NKD1: variants seen among roughly 807,000 people sequenced by gnomAD.
NKD1 encodes the protein NKD inhibitor of Wnt signaling pathway 1, also known as protein naked cuticle homolog 1.
Under a neutral mutation model 56.0 loss-of-function variants are expected in NKD1, and 21 were observed. That is an observed-to-expected ratio of 0.38 (90% CI 0.27 to 0.54). NKD1 has a LOEUF of 0.54. Ranked by LOEUF, NKD1 falls within the 20% of genes least tolerant of loss-of-function variation. The pLI is 0.82. For synonymous variants in NKD1, 263 were observed against 265.7 expected (o/e 0.99, Z 0.10); for missense variants, 578 against 642.7 (o/e 0.90, Z 1.09).
Position 50,630,914 on chromosome 16 carries a change from T to C in NKD1, c.695+4T>C. The C allele has an allele frequency of 1.3e-6, 2 of 1,576,422 alleles. No homozygotes were observed. The highest frequency in any genetic ancestry group is 1.7e-6 in the Non-Finnish European group (2 of 1,160,026). On this transcript the variant is annotated splice_donor_region_variant and intron_variant, in intron 8 of 9. Coordinates refer to ENST00000268459, the MANE Select transcript of NKD1 (RefSeq NM_033119.5). Reference sequence around the variant, plus strand: ...AGAAGCAGCGAGCCCCGCTCAGGTATGTGGGCATGGTGCACATGAGCATAT... The same window carrying C: ...AGAAGCAGCGAGCCCCGCTCAGGTACGTGGGCATGGTGCACATGAGCATAT...
Position 50,646,289 on chromosome 16 carries a change from T to C in NKD1, c.*12508T>C, listed in dbSNP as rs1030120150. The C allele has an allele frequency of 6.6e-6, 1 of 150,596 alleles. No individual in the cohort carries two copies. Among genetic ancestry groups the C allele is most frequent in the Non-Finnish European group, 1.5e-5 (1 of 67,858 alleles). The allele number at this position is 150,596 out of a possible 1,614,324, so 9.3% of individuals were successfully genotyped here. On this transcript the variant is annotated 3_prime_UTR_variant, in exon 10 of 10. Transcript: ENST00000268459. ...TTACCATAACTTAGAACTTCAAAGC[T>C]GAGTGTGTGGATAATGCAAATTGCT...
In NKD1 at chr16:50,632,606, A is replaced by G. The variant is rs1962371287; in HGVS notation, c.823+198A>G. 6.6e-6 allele frequency among the ~76,000 whole-genome samples: 1 copy of G among 152,266 alleles called. No individual in the cohort carries two copies. The highest frequency in any genetic ancestry group is 6.5e-5 in the Admixed American group (1 of 15,290). On this transcript the variant is annotated intron_variant, in intron 9 of 9. Transcript: ENST00000268459. The surrounding 1 kb of genome is among the most constrained non-coding windows in gnomAD (Gnocchi z 4.1). ...AAGTAATACATGCACGAAATCGAAC[A>G]AAATCCAATAGTATCTAAAGGCTTA...
chr16:50,612,105 A>T (rs951527039), intron 4 of NKD1, among the ~76,000 whole-genome samples: 4 of 152,234 alleles, frequency 2.6e-5, no homozygotes, highest in Non-Finnish European at 5.9e-5. Context: ...TGCTCAATAA[A>T]TAAACACTCA....
rs1269851681 is a variant in NKD1 at position 50,633,082 on chromosome 16, G to C, written c.824-110G>C. The C allele has an allele frequency of 5.1e-6, 5 of 989,010 alleles. No homozygotes were observed. The highest frequency in any genetic ancestry group is 2.9e-6 in the Non-Finnish European group (2 of 692,280). 61.3% of individuals were successfully genotyped at this position (989,010 alleles called of 1,614,324 possible). A position where few individuals can be genotyped will look rare whatever the true frequency, so the allele number is the denominator to read the frequency against. ...GCAGTGAGGGGCAGTCAGGGCATTG[G>C]GGGGTAGCTCTGGTTTTGGAGAACT... On this transcript the variant is annotated intron_variant, in intron 9 of 9. Coordinates refer to ENST00000268459, the MANE Select transcript of NKD1 (RefSeq NM_033119.5). The surrounding 1 kb of genome is among the most constrained non-coding windows in gnomAD (Gnocchi z 4.9).
intron 6 of NKD1, among the ~76,000 whole-genome samples, chr16:50,626,695 G>C (rs1962224044): frequency 6.6e-6 from 1 of 152,206 alleles, no homozygotes; most frequent in Admixed American, 6.5e-5. Flanking sequence ...ACCGCTGGAG[G>C]GTTGGTATCC....
At chr16:50,596,838 C>T (rs1288210967) in intron 3 of NKD1, among the ~76,000 whole-genome samples, 1 of 152,116 alleles carries the variant, frequency 6.6e-6, no homozygotes, top group Non-Finnish European at 1.5e-5. Context: ...TGAACCCAAA[C>T]CTGAAGGAGG....
chr16:50,582,836 G>A (rs897828089), intron 3 of NKD1, among the ~76,000 whole-genome samples: 2 of 152,164 alleles, frequency 1.3e-5, no homozygotes, highest in East Asian at 3.9e-4. Context: ...GTGAAACCCT[G>A]ACTCTACTAA....
intron 4 of NKD1, among the ~76,000 whole-genome samples, chr16:50,614,222 TTTG>T (rs1961912936): frequency 6.6e-6 from 1 of 152,142 alleles, no homozygotes; most frequent in Admixed American, 6.5e-5. Context: ...GAGAGACGGA[TTTG>T]TTAAGTCAGG....
At chr16:50,597,545 G>A (rs1303176433) in intron 3 of NKD1, among the ~76,000 whole-genome samples, 2 of 152,110 alleles carry the variant, frequency 1.3e-5, no homozygotes, top group African/African-American at 2.4e-5. Flanking sequence ...AGGAGACAGC[G>A]CCCCAGTTCC....
intron 3 of NKD1, among the ~76,000 whole-genome samples, chr16:50,577,383 A>T (rs1372270550): frequency 6.6e-6 from 1 of 152,204 alleles, no homozygotes; most frequent in Non-Finnish European, 1.5e-5. Flanking sequence ...TAATATATAC[A>T]ACTTGATGGG....
intron 2 of NKD1, 148 bp downstream of exon 2, chr16:50,548,897 A>G: frequency 8.9e-7 from 1 of 1,122,858 alleles, no homozygotes. Context: ...CTCCCTGAGC[A>G]GCCTTCGCGC....
chr16:50,602,866 G>A (rs1254623057), intron 3 of NKD1, among the ~76,000 whole-genome samples: 1 of 152,240 alleles, frequency 6.6e-6, no homozygotes, highest in African/African-American at 2.4e-5. Flanking sequence ...CAGCCCACAT[G>A]CCTTTGAGGG....
At chr16:50,630,936 A>G (rs1490882852) in intron 8 of NKD1, 26 bp downstream of exon 8, 2 of 1,538,270 alleles carry the variant, frequency 1.3e-6, no homozygotes, top group Non-Finnish European at 1.8e-6. Context: ...GCACATGAGC[A>G]TATGTTGAGC....
intron 3 of NKD1, among the ~76,000 whole-genome samples, chr16:50,589,791 C>G (rs1035596694): frequency 8.9e-6 from 1 of 112,642 alleles, no homozygotes; most frequent in Non-Finnish European, 1.8e-5. Flanking sequence ...CCTCTCCTCT[C>G]CTCTCCTCTC....
At chr16:50,549,935 G>C (rs1353248929) in intron 3 of NKD1, among the ~76,000 whole-genome samples, 1 of 152,162 alleles carries the variant, frequency 6.6e-6, no homozygotes, top group Non-Finnish European at 1.5e-5. Flanking sequence ...AGGGGTGTCT[G>C]GGTGGAAGGC....
At position 50,642,070 on chromosome 16, in the gene NKD1, T is replaced by C. The variant is rs1468074154; in HGVS notation, c.*8289T>C. ...GCTTCAGCTCCAGGGACTTTGGAGA[T>C]TTAAGCAAAGCAAGAAATGGGAAAG... On this transcript the variant is annotated 3_prime_UTR_variant, in exon 10 of 10. Coordinates refer to ENST00000268459, the MANE Select transcript of NKD1 (RefSeq NM_033119.5). 6.6e-6 allele frequency: 1 copy of C among 152,210 alleles called. No individual in the cohort carries two copies. Among genetic ancestry groups the C allele is most frequent in the Non-Finnish European group, 1.5e-5 (1 of 68,042 alleles). 9.4% of individuals were successfully genotyped at this position (152,210 alleles called of 1,614,324 possible). A position where few individuals can be genotyped will look rare whatever the true frequency, so the allele number is the denominator to read the frequency against.
Position 50,639,696 on chromosome 16 carries a change from A to G in NKD1, c.*5915A>G, listed in dbSNP as rs1325619659. The G allele has an allele frequency of 1.3e-5, 2 of 152,090 alleles. No individual in the cohort carries two copies. Among genetic ancestry groups the G allele is most frequent in the Non-Finnish European group, 2.9e-5 (2 of 68,026 alleles). The allele number at this position is 152,090 out of a possible 1,614,324, so 9.4% of individuals were successfully genotyped here. ...TGCCCTGTCATCTGGCCTCTGGATA[A>G]CCCACCTCTCCTCCCTCATCCTAAA... On this transcript the variant is annotated 3_prime_UTR_variant, in exon 10 of 10. Transcript: ENST00000268459.
chr16:50,611,111 G>A (rs1195354188), intron 4 of NKD1, among the ~76,000 whole-genome samples: 3 of 152,206 alleles, frequency 2.0e-5, no homozygotes, highest in Non-Finnish European at 4.4e-5. Flanking sequence ...GGGGAGAATG[G>A]GTGGCCAGGC....
rs1364382913 is a variant in NKD1 at position 50,579,531 on chromosome 16, C to T, written c.193-28763C>T. On this transcript the variant is annotated intron_variant, in intron 3 of 9. Coordinates refer to ENST00000268459, the MANE Select transcript of NKD1 (RefSeq NM_033119.5). The stretch of plus-strand genomic sequence containing the variant: ...CCACGCATGCACTGTCTTACTCCTG[C>T]GGGGTACCCACTACACACGCACTCT... Among the ~76,000 whole-genome samples, 25 of 118,118 alleles carry T rather than the reference C, an allele frequency of 2.1e-4. 1 individual carries two copies. The highest frequency in any genetic ancestry group is 1.7e-4 in the Non-Finnish European group (10 of 59,964). The allele number at this position is 118,118 out of a possible 152,430, so 77.5% of individuals were successfully genotyped here. A position where few individuals can be genotyped will look rare whatever the true frequency, so the allele number is the denominator to read the frequency against.
Sources: gnomAD v4.1 joint callset for allele counts (sites outside exome capture counted in the v4.1 genomes callset) on GRCh38, gnomAD v4.1.1 for gene constraint, Gnocchi (gnomAD v3.1) non-coding constraint, MANE v1.5 for transcripts, NCBI Gene and HGNC (gene_info 2026-07-23, HGNC 2026-07-21) for gene names.